Variants in FBXW2 observed in about 807,000 individuals in gnomAD.
FBXW2 encodes the protein F-box and WD repeat domain containing 2.
A neutral mutation model predicts 46.0 loss-of-function variants in FBXW2; 12 were observed. The ratio of observed to expected loss-of-function variants is 0.26; its 90% CI spans 0.17 to 0.42. The LOEUF is 0.42. FBXW2 is among the 10% of genes least tolerant of loss of function. FBXW2 has a pLI of 1.00. For synonymous variants in FBXW2, 203 were observed against 209.6 expected, an observed-to-expected ratio of 0.97 and a Z score of 0.27; for missense variants, 360 against 537.0, an observed-to-expected ratio of 0.67 and a Z score of 3.26.
intron 5 of FBXW2, among the ~76,000 whole-genome samples, chr9:120,775,048 A>C (rs2044462686): frequency 6.6e-6 from 1 of 151,712 alleles, no homozygotes; most frequent in South Asian, 2.1e-4. Flanking sequence ...TTTCTGAACT[A>C]ATTACTTTCC....
At chr9:120,765,995 A>G (rs1350599615) in intron 7 of FBXW2, among the ~76,000 whole-genome samples, 2 of 152,180 alleles carry the variant, frequency 1.3e-5, no homozygotes, top group Non-Finnish European at 2.9e-5. Flanking sequence ...AAGATTAACA[A>G]GAAAAGCTGA....
rs753715894 is a variant in FBXW2 at position 120,787,770 on chromosome 9, T to A, written c.489A>T (p.Thr163=). The A allele has an allele frequency of 5.0e-6, 8 of 1,609,854 alleles. No individual in the cohort carries two copies. The East Asian group carries it at 1.6e-4, about 31-fold the overall frequency. ...ALYYKDGLLC[T]GSDDLSAKLW... ...AAAAGCAGTTTCAACATCTCTTACCTGTACAGAGAAGTCCATCTTTGTAGT... is the reference window on the plus strand; with the variant it reads ...AAAAGCAGTTTCAACATCTCTTACCAGTACAGAGAAGTCCATCTTTGTAGT... The change falls in exon 3 of 8, where the codon ACA becomes ACT. Residue 163 remains threonine (T), a splice_region_variant and synonymous_variant. Transcript: ENST00000608872.
intron 2 of FBXW2, 107 bp downstream of exon 2, chr9:120,793,042 A>T: frequency 8.1e-7 from 1 of 1,227,452 alleles, no homozygotes; most frequent in Non-Finnish European, 1.2e-6. Context: ...AGTAGGAGGC[A>T]GTAACTCCAA....
At chr9:120,785,422 T>C (rs930432304) in intron 3 of FBXW2, among the ~76,000 whole-genome samples, 2 of 152,174 alleles carry the variant, frequency 1.3e-5, no homozygotes, top group Non-Finnish European at 1.5e-5. Context: ...GTTCTAGTAA[T>C]CAGGCTTGTA....
intron 7 of FBXW2, among the ~76,000 whole-genome samples, chr9:120,769,218 C>A (rs1227274644): frequency 6.6e-6 from 1 of 152,170 alleles, no homozygotes; most frequent in Non-Finnish European, 1.5e-5. Context: ...GTAGCCCTAC[C>A]TGGTCCTAGC....
chr9:120,784,422 G>C (rs2044676492), intron 3 of FBXW2, among the ~76,000 whole-genome samples: 1 of 151,346 alleles, frequency 6.6e-6, no homozygotes, highest in Admixed American at 6.6e-5. Flanking sequence ...GACCAGCCTG[G>C]GCAACATGGT....
chr9:120,787,051 T>C (rs918170814), intron 3 of FBXW2, among the ~76,000 whole-genome samples: 1 of 152,202 alleles, frequency 6.6e-6, no homozygotes, highest in African/African-American at 2.4e-5. Flanking sequence ...TATTTTGAGA[T>C]GGAGTCTCAC....
chr9:120,767,045 G>A (rs1256501631), intron 7 of FBXW2, among the ~76,000 whole-genome samples: 1 of 152,168 alleles, frequency 6.6e-6, no homozygotes, highest in Admixed American at 6.5e-5. Flanking sequence ...ATCAAGGAGT[G>A]AGCAAATCTT....
At chr9:120,773,116 G>A (rs1364153769) in intron 5 of FBXW2, among the ~76,000 whole-genome samples, 1 of 151,668 alleles carries the variant, frequency 6.6e-6, no homozygotes, top group Non-Finnish European at 1.5e-5. Context: ...GAGCCCAGGA[G>A]TTGGAGGATG....
intron 2 of FBXW2, among the ~76,000 whole-genome samples, chr9:120,789,339 AC>A: frequency 6.6e-6 from 1 of 152,352 alleles, no homozygotes; most frequent in East Asian, 1.9e-4. Flanking sequence ...TAGGAGAATG[AC>A]AAATTGCTCC....
rs957859239 is a variant in FBXW2, at chr9:120,764,445, G to A, written c.*114C>T. On this transcript the variant is annotated 3_prime_UTR_variant, in exon 8 of 8. Transcript: ENST00000608872. ...ACATAGATAAATGATTGTGCACTGC[G>A]TGATGATACCATTAGGTGAGAACTT... The A allele has an allele frequency of 2.6e-5, 31 of 1,196,744 alleles. No homozygotes were observed. The highest frequency in any genetic ancestry group is 2.5e-4 in the Middle Eastern group (1 of 3,994). The allele number at this position is 1,196,744 out of a possible 1,614,324, so 74.1% of individuals were successfully genotyped here.
Position 120,764,349 on chromosome 9 carries a change from C to T in FBXW2, c.*210G>A, listed in dbSNP as rs2044237147. On this transcript the variant is annotated 3_prime_UTR_variant, in exon 8 of 8. Coordinates refer to ENST00000608872, the MANE Select transcript of FBXW2 (RefSeq NM_012164.4). ...AGTACAAATGAAGTCAATGGTGTAC[C>T]CCATTAGCATGCTGCGTTGTATGTC... The T allele has an allele frequency of 5.3e-6, 3 of 563,020 alleles. No individual in the cohort carries two copies. The highest frequency in any genetic ancestry group is 6.3e-6 in the Non-Finnish European group (2 of 316,190). The allele number at this position is 563,020 out of a possible 1,614,324, so 34.9% of individuals were successfully genotyped here.
At chr9:120,781,451 T>A (rs1275891836) in intron 3 of FBXW2, among the ~76,000 whole-genome samples, 1 of 152,114 alleles carries the variant, frequency 6.6e-6, no homozygotes, top group Admixed American at 6.5e-5. Flanking sequence ...GTGGCAAGGT[T>A]TGGCTGCAGA....
rs1215693389 is a variant in FBXW2, at chr9:120,763,533, T to A, written c.*1026A>T. The stretch of plus-strand genomic sequence containing the variant: ...CTTAAACTGTCTAAGTGGAATCAGC[T>A]ATATTTTCTACATTTCCCTTTTATT... On this transcript the variant is annotated 3_prime_UTR_variant, in exon 8 of 8. Transcript: ENST00000608872. The A allele has an allele frequency of 6.6e-6, 1 of 152,250 alleles. No homozygotes were observed. Among genetic ancestry groups the A allele is most frequent in the Non-Finnish European group, 1.5e-5 (1 of 68,042 alleles). 9.4% of individuals were successfully genotyped at this position (152,250 alleles called of 1,614,324 possible). A position where few individuals can be genotyped will look rare whatever the true frequency, so the allele number is the denominator to read the frequency against.
chr9:120,778,505 T>C lies in FBXW2; in HGVS notation c.531A>G (p.Thr177=). ...DLSAKLWDVS[T]GQCVYGIQTH... ...TCTGGATGCCATAAACGCACTGCCCTGTGCTCACATCCCACAGCTTTGCAG... is the reference window on the plus strand; with the variant it reads ...TCTGGATGCCATAAACGCACTGCCCCGTGCTCACATCCCACAGCTTTGCAG... Residue 177 remains threonine (T), a synonymous_variant, in exon 4 of 8, where the codon ACA becomes ACG. Transcript: ENST00000608872. 2 of 1,614,150 alleles carry C rather than the reference T, an allele frequency of 1.2e-6. No homozygotes were observed. The highest frequency in any genetic ancestry group is 1.7e-6 in the Non-Finnish European group (2 of 1,180,022).
In FBXW2 at chr9:120,759,588, T is replaced by C. The variant is rs2044166556; in HGVS notation, c.*4971A>G. On this transcript the variant is annotated 3_prime_UTR_variant, in exon 8 of 8. Coordinates refer to ENST00000608872, the MANE Select transcript of FBXW2 (RefSeq NM_012164.4). ...TATCTCTTCAACCTGAGCATTCTCA[T>C]CAAGTATACTAAGTCTAAATCAGTG... The C allele has an allele frequency of 6.6e-6, 1 of 152,218 alleles. No individual in the cohort carries two copies. Among genetic ancestry groups the C allele is most frequent in the African/African-American group, 2.4e-5 (1 of 41,470 alleles). 9.4% of individuals were successfully genotyped at this position (152,218 alleles called of 1,614,324 possible).
intron 3 of FBXW2, 24 bp downstream of exon 3, chr9:120,787,745 A>T (rs1437674820): frequency 1.3e-6 from 2 of 1,582,826 alleles, no homozygotes; most frequent in South Asian, 2.3e-5. Flanking sequence ...ACAAAACCCA[A>T]AAAGCAGTTT....
intron 2 of FBXW2, chr9:120,792,838 T>C: frequency 7.3e-7 from 1 of 1,376,182 alleles, no homozygotes; most frequent in Non-Finnish European, 9.7e-7. Flanking sequence ...TTACTTAGCA[T>C]TAATATTGTT....
rs767131263 is a variant in FBXW2 at position 120,787,931 on chromosome 9, C to T, written c.328G>A (p.Asp110Asn). Reference sequence around the variant, plus strand: ...TGCAAAGCGTCCTGAACAGAATCATCTATCTGCCAGCCCAAATTTTTACAT... The same window carrying T: ...TGCAAAGCGTCCTGAACAGAATCATTTATCTGCCAGCCCAAATTTTTACAT... Reference protein sequence around the residue: ...TACKNLGWQIDDSVQDALHWK... With the variant: ...TACKNLGWQINDSVQDALHWK... The change falls in exon 3 of 8, where the codon GAT (aspartate) becomes AAT (asparagine). Residue 110 changes from aspartate (D) to asparagine (N), a missense_variant. By Grantham distance (23) the Asp-to-Asn change is conservative (BLOSUM62 1). Coordinates refer to ENST00000608872, the MANE Select transcript of FBXW2 (RefSeq NM_012164.4). 1.9e-6 allele frequency: 3 copies of T among 1,614,250 alleles called. No individual in the cohort carries two copies. The highest frequency in any genetic ancestry group is 2.5e-6 in the Non-Finnish European group (3 of 1,180,044).
Sources: gnomAD v4.1 joint callset for allele counts (sites outside exome capture counted in the v4.1 genomes callset) on GRCh38, gnomAD v4.1.1 for gene constraint, MANE v1.5 for transcripts, NCBI Gene and HGNC (gene_info 2026-07-23, HGNC 2026-07-21) for gene names.